Variants in GLP2R observed in about 807,000 individuals in gnomAD.
GLP2R encodes the protein glucagon-like peptide 2 receptor.
Under a neutral mutation model 68.2 loss-of-function variants are expected in GLP2R, and 59 were observed. The observed-to-expected ratio is 0.87, with a 90% confidence interval of 0.70 to 1.07. GLP2R has a LOEUF of 1.07. GLP2R is among the 50% of genes least tolerant of loss of function. The probability of loss-of-function intolerance (pLI) is 0.00; values close to 1 mark genes in which losing one functional copy is unlikely to be tolerated. For synonymous variants in GLP2R, 270 were observed against 265.4 expected (o/e 1.02, Z -0.17); for missense variants, 548 against 677.4 (o/e 0.81, Z 2.12).
chr17:9,842,102 A>G (rs1433937472), intron 3 of GLP2R, among the ~76,000 whole-genome samples: 1 of 152,150 alleles, frequency 6.6e-6, no homozygotes, highest in Non-Finnish European at 1.5e-5. Context: ...CTTCAGCCCC[A>G]GTCTGTCAGC....
chr17:9,874,494 T>TTAA (rs111969784), intron 10 of GLP2R, among the ~76,000 whole-genome samples: 140 of 151,976 alleles, frequency 9.2e-4, no homozygotes, highest in African/African-American at 3.0e-3. Flanking sequence ...CCCTTTTTCT[T>TTAA]TAATAATAAT....
intron 9 of GLP2R, among the ~76,000 whole-genome samples, chr17:9,863,519 A>T (rs1201838844): frequency 2.6e-5 from 4 of 152,128 alleles, no homozygotes; most frequent in Non-Finnish European, 5.9e-5. Flanking sequence ...GCAGCTCAAA[A>T]ACTATTTACT....
Position 9,857,593 on chromosome 17 carries a change from C to G in GLP2R, c.765+17C>G, listed in dbSNP as rs1233986320. 6.2e-7 allele frequency: 1 copy of G among 1,612,602 alleles called. No homozygotes were observed. The highest frequency in any genetic ancestry group is 8.5e-7 in the Non-Finnish European group (1 of 1,178,702). ...CTGTCAGAGGTAATCCCCTTCCCCA[C>G]TGTTTACACTGGACTCCCCACCTGA... On this transcript the variant is annotated intron_variant, in intron 6 of 12. Coordinates refer to ENST00000262441, the MANE Select transcript of GLP2R (RefSeq NM_004246.3).
intron 2 of GLP2R, chr17:9,834,792 T>A (rs1439212219): frequency 6.6e-6 from 1 of 152,230 alleles, no homozygotes; most frequent in Non-Finnish European, 1.5e-5. Context: ...AGGCAGGTGG[T>A]AGTCAAGCCT....
intron 4 of GLP2R, among the ~76,000 whole-genome samples, chr17:9,853,573 TAAG>T (rs1297393164): frequency 1.3e-5 from 2 of 152,232 alleles, no homozygotes; most frequent in African/African-American, 4.8e-5. Flanking sequence ...AGAAGGATAA[TAAG>T]AGATTTTTGA....
intron 11 of GLP2R, among the ~76,000 whole-genome samples, chr17:9,884,070 A>G (rs1379903964): frequency 6.6e-6 from 1 of 152,216 alleles, no homozygotes; most frequent in Non-Finnish European, 1.5e-5. Context: ...GATCTAATAT[A>G]TATGACAAGA....
intron 4 of GLP2R, among the ~76,000 whole-genome samples, chr17:9,853,503 G>C (rs1360531361): frequency 6.6e-6 from 1 of 152,166 alleles, no homozygotes; most frequent in African/African-American, 2.4e-5. Context: ...GAAAGTGAGA[G>C]AGAGGTCAGG....
At chr17:9,887,892 C>T in intron 11 of GLP2R, 40 bp from the exon 12 acceptor site, 1 of 1,529,398 alleles carries the variant, frequency 6.5e-7, no homozygotes, top group Non-Finnish European at 9.1e-7. Flanking sequence ...CACATCTTCT[C>T]CGGAGTCAGA....
intron 1 of GLP2R, among the ~76,000 whole-genome samples, chr17:9,832,534 C>T (rs902190124): frequency 1.3e-5 from 2 of 152,126 alleles, no homozygotes; most frequent in Non-Finnish European, 1.5e-5. Context: ...TGCACTCCAG[C>T]CTGGGTGACA....
chr17:9,827,700 C>T (rs1260488421), intron 1 of GLP2R, among the ~76,000 whole-genome samples: 4 of 152,230 alleles, frequency 2.6e-5, no homozygotes, highest in African/African-American at 4.8e-5. Flanking sequence ...CGGTAGCTCA[C>T]GCCTGTAACC....
At chr17:9,883,075 C>T (rs1023662024) in intron 11 of GLP2R, among the ~76,000 whole-genome samples, 6 of 149,458 alleles carry the variant, frequency 4.0e-5, no homozygotes, top group Middle Eastern at 3.3e-3. Context: ...ACAAAGACTT[C>T]AAAGCTATTA....
chr17:9,887,979 A>G lies in GLP2R; in HGVS notation c.1326+6A>G. 1 of 1,605,210 alleles carries G rather than the reference A, an allele frequency of 6.2e-7. No individual in the cohort carries two copies. The highest frequency in any genetic ancestry group is 8.5e-7 in the Non-Finnish European group (1 of 1,171,878). On this transcript the variant is annotated splice_donor_region_variant and intron_variant, in intron 12 of 12. Transcript: ENST00000262441. ...ATGGTTTTGCCAATGGAGAGGTATG[A>G]TTTCCACGTTGCCATCCTGGTTTCA...
chr17:9,880,232 G>A, intron 10 of GLP2R, 146 bp from the exon 11 acceptor site: 1 of 616,532 alleles, frequency 1.6e-6, no homozygotes, highest in East Asian at 2.6e-5. Context: ...TGGCCCTGAA[G>A]CGTTAAATGT....
intron 2 of GLP2R, chr17:9,834,879 C>A (rs937241807): frequency 2.6e-5 from 4 of 152,196 alleles, no homozygotes; most frequent in Non-Finnish European, 5.9e-5. Flanking sequence ...GGCTTTCATC[C>A]AGAGCCATGC....
chr17:9,852,112 G>T (rs143610532), intron 4 of GLP2R, among the ~76,000 whole-genome samples: 1 of 146,218 alleles, frequency 6.8e-6, no homozygotes, highest in Non-Finnish European at 1.5e-5. Context: ...GGGCAGGTTT[G>T]TTACATAAGT....
chr17:9,851,514 CTT>C (rs2066891260), intron 4 of GLP2R, among the ~76,000 whole-genome samples: 1 of 152,094 alleles, frequency 6.6e-6, no homozygotes, highest in Admixed American at 6.6e-5. Context: ...GAGGGAAAGA[CTT>C]AGTTTCAAGG....
intron 10 of GLP2R, among the ~76,000 whole-genome samples, chr17:9,878,074 C>T (rs2067157961): frequency 6.6e-6 from 1 of 152,196 alleles, no homozygotes; most frequent in Non-Finnish European, 1.5e-5. Context: ...AAGTCTGTAT[C>T]TTGAAAACCC....
chr17:9,854,198 A>T (rs760379659), intron 4 of GLP2R, among the ~76,000 whole-genome samples: 1 of 152,142 alleles, frequency 6.6e-6, no homozygotes, highest in Non-Finnish European at 1.5e-5. Context: ...TCTTGTTCTG[A>T]ACGCAATTCC....
chr17:9,833,193 G>A (rs531250529), intron 1 of GLP2R, among the ~76,000 whole-genome samples: 1 of 152,068 alleles, frequency 6.6e-6, no homozygotes, highest in African/African-American at 2.4e-5. Flanking sequence ...GAACCCAGGA[G>A]GCAGAGGTTG....
Sources: allele counts gnomAD v4.1 joint callset (sites outside exome capture counted in the v4.1 genomes callset), GRCh38; gene constraint gnomAD v4.1.1; transcripts MANE v1.5; gene names NCBI Gene and HGNC (gene_info 2026-07-23, HGNC 2026-07-21).